The following PPIH variants were observed in gnomAD, a reference collection of about 807,000 sequenced individuals.
The protein encoded by PPIH is peptidylprolyl isomerase H, also known as peptidyl-prolyl cis-trans isomerase H.
In PPIH, 16 loss-of-function variants were observed where a neutral mutation model predicts 27.6. The ratio of observed to expected loss-of-function variants is 0.58; its 90% CI spans 0.39 to 0.88. The LOEUF is 0.88. PPIH is among the 40% of genes least tolerant of loss of function. PPIH has a pLI of 0.00. For missense variants in PPIH, 155 were observed against 224.1 expected (o/e 0.69, Z 1.97); for synonymous variants, 63 against 76.1 (o/e 0.83, Z 0.90).
intron 6 of PPIH, among the ~76,000 whole-genome samples, chr1:42,665,574 T>A (rs1649286176): frequency 6.6e-6 from 1 of 152,110 alleles, no homozygotes; most frequent in Non-Finnish European, 1.5e-5. Context: ...GTGTGGTGGC[T>A]CACACCTGTA....
chr1:42,668,196 A>C (rs1649445645), intron 9 of PPIH, among the ~76,000 whole-genome samples: 1 of 152,134 alleles, frequency 6.6e-6, no homozygotes, highest in Non-Finnish European at 1.5e-5. Flanking sequence ...TTTATTTTCA[A>C]ACCTGCAAAA....
rs1222994517 is a variant in PPIH, at chr1:42,659,373, A to C, written c.155+122A>C. On this transcript the variant is annotated intron_variant, in intron 3 of 9. Transcript: ENST00000304979. ...ATTGCTGGTGACAGTGATAGAAGGT[A>C]ATGCCCCAAGGGTCTGTCCCTAGTT... is the stretch of plus-strand genomic sequence containing the variant. The C allele has an allele frequency of 3.1e-6, 5 of 1,614,008 alleles. No individual in the cohort carries two copies. In the African/African-American group the frequency reaches 5.3e-5, roughly 17 times the overall value.
intron 9 of PPIH, among the ~76,000 whole-genome samples, chr1:42,668,384 T>C (rs1649457262): frequency 6.6e-6 from 1 of 151,912 alleles, no homozygotes; most frequent in African/African-American, 2.4e-5. Context: ...CTCCATCCTT[T>C]CCTTCCTTTC....
intron 9 of PPIH, among the ~76,000 whole-genome samples, chr1:42,673,667 C>G (rs1281492430): frequency 6.6e-6 from 1 of 152,214 alleles, no homozygotes; most frequent in Non-Finnish European, 1.5e-5. Context: ...AAGTATCTCA[C>G]ATGCTTCTTA....
Position 42,667,542 on chromosome 1 carries a change from A to C in PPIH, c.*21+102A>C. ...GTCTTGAAGACATGAGATTGAGCCC[A>C]GTTCCTCCGTGTATGGCCTTGGAGT... On this transcript the variant is annotated intron_variant, in intron 9 of 9. Transcript: ENST00000304979. 4 of 943,616 alleles carry C rather than the reference A, an allele frequency of 4.2e-6. No homozygotes were observed. The South Asian group carries it at 6.0e-5, about 14-fold the overall frequency. 58.5% of individuals were successfully genotyped at this position (943,616 alleles called of 1,614,324 possible).
chr1:42,675,076 A>T (rs1310350918), intron 9 of PPIH, among the ~76,000 whole-genome samples: 2 of 152,248 alleles, frequency 1.3e-5, no homozygotes, highest in Non-Finnish European at 2.9e-5. Context: ...GTAGTAATTT[A>T]TGTAAGCATG....
chr1:42,666,915 C>G (rs1167138141), intron 8 of PPIH, among the ~76,000 whole-genome samples: 1 of 152,144 alleles, frequency 6.6e-6, no homozygotes, highest in Non-Finnish European at 1.5e-5. Flanking sequence ...ACTAGCTCTT[C>G]TCTAAATCTG....
chr1:42,664,514 T>C (rs1372506325), intron 5 of PPIH, among the ~76,000 whole-genome samples: 1 of 152,192 alleles, frequency 6.6e-6, no homozygotes, highest in African/African-American at 2.4e-5. Context: ...GGTACTTTTA[T>C]GTGACTGAAG....
intron 5 of PPIH, among the ~76,000 whole-genome samples, chr1:42,664,633 C>A (rs1649230848): frequency 6.6e-6 from 1 of 152,138 alleles, no homozygotes; most frequent in Non-Finnish European, 1.5e-5. Context: ...GCTGTGACCT[C>A]TTTTATCCAG....
chr1:42,664,695 G>C (rs370879448), intron 5 of PPIH, among the ~76,000 whole-genome samples, 168 bp from the exon 6 acceptor site: 2 of 152,080 alleles, frequency 1.3e-5, no homozygotes, highest in Non-Finnish European at 2.9e-5. Context: ...CTTATATAAG[G>C]CTTGATCTGA....
At chr1:42,660,830 A>G (rs1470967797) in intron 4 of PPIH, 32 bp from the exon 5 acceptor site, 1 of 1,549,350 alleles carries the variant, frequency 6.5e-7, no homozygotes, top group Admixed American at 2.0e-5. Flanking sequence ...AAACCATAAA[A>G]TCTTCTCAGT....
chr1:42,659,605 A>C (rs1268160519), intron 4 of PPIH, 39 bp downstream of exon 4: 1 of 1,594,772 alleles, frequency 6.3e-7, no homozygotes, highest in African/African-American at 1.4e-5. Flanking sequence ...TCTTTCAGAA[A>C]TATTTCCTGG....
At chr1:42,672,895 C>T (rs1041712567) in intron 9 of PPIH, among the ~76,000 whole-genome samples, 9 of 152,104 alleles carry the variant, frequency 5.9e-5, no homozygotes, top group Non-Finnish European at 7.4e-5. Context: ...GTGATCTGCC[C>T]GCCTTGACTT....
At chr1:42,679,391 C>G (rs12127038), downstream of PPIH, among the ~76,000 whole-genome samples, 45,586 of 151,946 alleles carry the variant, frequency 0.3, 7,005 homozygotes, top group Non-Finnish European at 0.32. Flanking sequence ...GGTTTTGCCA[C>G]GTTGGCCGGG....
chr1:42,666,648 C>T (rs556046004), intron 8 of PPIH, 61 bp downstream of exon 8: 37 of 1,517,610 alleles, frequency 2.4e-5, no homozygotes, highest in South Asian at 3.4e-5. Context: ...GTCTGACTAG[C>T]GTGCAGGAGC....
intron 9 of PPIH, among the ~76,000 whole-genome samples, chr1:42,674,077 G>T (rs57337449): frequency 0.051 from 7,745 of 152,312 alleles, 295 homozygotes; most frequent in African/African-American, 0.098. Flanking sequence ...TGAGGCTACA[G>T]ATTTGAAAAG....
At chr1:42,665,895 C>A in intron 6 of PPIH, 85 bp from the exon 7 acceptor site, 1 of 1,067,978 alleles carries the variant, frequency 9.4e-7, no homozygotes, top group South Asian at 1.3e-5. Context: ...ATAGAGGAAT[C>A]AGTGTTACAA....
intron 4 of PPIH, among the ~76,000 whole-genome samples, chr1:42,660,159 T>C (rs1014083166): frequency 6.6e-6 from 1 of 152,180 alleles, no homozygotes; most frequent in Non-Finnish European, 1.5e-5. Context: ...CTAGGGGTAA[T>C]AGCTAACAGT....
At position 42,666,073 on chromosome 1, in the gene PPIH, T is replaced by G; in HGVS notation, c.424+6T>G. ...TGGGAAGCATGTGGTGTTTGGTAAG[T>G]CCTACTCCTGTCTCATGGTCCAGGC... On this transcript the variant is annotated splice_donor_region_variant and intron_variant, in intron 7 of 9. Coordinates refer to ENST00000304979, the MANE Select transcript of PPIH (RefSeq NM_006347.4). 1 of 1,613,398 alleles carries G rather than the reference T, an allele frequency of 6.2e-7. No homozygotes were observed. Among genetic ancestry groups the G allele is most frequent in the Non-Finnish European group, 8.5e-7 (1 of 1,179,350 alleles).
Sources: allele counts gnomAD v4.1 joint callset (sites outside exome capture counted in the v4.1 genomes callset), GRCh38; gene constraint gnomAD v4.1.1; transcripts MANE v1.5; gene names NCBI Gene and HGNC (gene_info 2026-07-23, HGNC 2026-07-21).